The following MASTL variants were observed in gnomAD, a reference collection of about 807,000 sequenced individuals.
MASTL encodes serine/threonine-protein kinase greatwall.
A neutral mutation model predicts 82.5 loss-of-function variants in MASTL; 54 were observed. The observed-to-expected ratio is 0.65, with a 90% confidence interval of 0.53 to 0.82. The LOEUF (loss-of-function observed/expected upper bound fraction) is 0.82, where lower values mean the gene tolerates loss of function less well. MASTL is among the 40% of genes least tolerant of loss of function. The pLI, the probability that MASTL is intolerant of heterozygous loss-of-function variation, is 0.00. For missense variants in MASTL, 950 were observed against 1,047.8 expected (o/e 0.91, Z 1.29); for synonymous variants, 323 against 368.9 (o/e 0.88, Z 1.43).
chr10:27,169,500 G>A (rs551125679), intron 7 of MASTL, among the ~76,000 whole-genome samples: 86 of 151,558 alleles, frequency 5.7e-4, no homozygotes, highest in African/African-American at 2.0e-3. Context: ...AACCCAGGAG[G>A]CAGAGGCTGC....
At chr10:27,178,673 A>T (rs79347035) in intron 9 of MASTL, among the ~76,000 whole-genome samples, 2 of 143,192 alleles carry the variant, frequency 1.4e-5, no homozygotes, top group Non-Finnish European at 1.5e-5. Flanking sequence ...GAAATCATGT[A>T]TTTTTTTTTT....
chr10:27,156,013 A>ATTTTTTTTTTTTTTT (rs3834397), intron 1 of MASTL, among the ~76,000 whole-genome samples: 1 of 151,066 alleles, frequency 6.6e-6, no homozygotes. Flanking sequence ...TTTCTTTTTT[A>ATTTTTTTTTTTTTTT]TTTTTTTTTG....
In MASTL at chr10:27,170,503, A is replaced by G. The variant is rs767120107; in HGVS notation, c.1544A>G (p.Asp515Gly). ...NKENIVNSFT[D>G]KQQTPEKLPI... is the part of the protein sequence containing the mutation. Reference sequence around the variant, plus strand: ...GAGAACATTGTCAATTCTTTTACTGATAAACAACAAACACCAGAAAAATTA... The same window carrying G: ...GAGAACATTGTCAATTCTTTTACTGGTAAACAACAAACACCAGAAAAATTA... The change falls in exon 8 of 12, where the codon GAT becomes GGT. Residue 515 changes from aspartate to glycine, a missense_variant. By Grantham distance (94) the Asp-to-Gly change is moderately conservative. Transcript: ENST00000375940. 2.7e-5 allele frequency: 44 copies of G among 1,613,944 alleles called. No individual in the cohort carries two copies. The East Asian group carries it at 9.6e-4, about 35-fold the overall frequency.
rs1485009401 is a variant in MASTL at position 27,186,400 on chromosome 10, T to C, written c.2504T>C (p.Phe835Ser). ...TAAGAGCTAAAACGTCATCCTCTCT[T>C]CAGTGATGTGGACTGGGAAAATCTG... is the stretch of plus-strand genomic sequence containing the variant. ...GMKELKRHPLFSDVDWENLQH... is the reference protein window; with the variant it reads ...GMKELKRHPLSSDVDWENLQH... The change falls in exon 12 of 12, where the codon TTC becomes TCC. Residue 835 changes from phenylalanine to serine, a missense_variant. Transcript: ENST00000375940. The C allele has an allele frequency of 3.1e-6, 5 of 1,614,062 alleles. No homozygotes were observed. Among genetic ancestry groups the C allele is most frequent in the Non-Finnish European group, 4.2e-6 (5 of 1,180,028 alleles).
In MASTL at chr10:27,156,676, T is replaced by G. The variant is rs572130009; in HGVS notation, c.186+1064T>G. 3.4e-4 allele frequency among the ~76,000 whole-genome samples: 49 copies of G among 146,118 alleles called. No homozygotes were observed. The East Asian group carries it at 3.6e-3, about 11-fold the overall frequency. On this transcript the variant is annotated intron_variant, in intron 1 of 11. Coordinates refer to ENST00000375940, the MANE Select transcript of MASTL (RefSeq NM_001172303.3). The stretch of plus-strand genomic sequence containing the variant: ...CACCATGCCTGGCTGATTTGTGTAG[T>G]TTTTTTTTTAGCCGAGATTGAATTT...
chr10:27,179,453 A>G (rs539950162), intron 9 of MASTL, among the ~76,000 whole-genome samples: 3 of 152,290 alleles, frequency 2.0e-5, no homozygotes, highest in African/African-American at 7.2e-5. Context: ...GCTACTTGGG[A>G]GGCTGAGGCA....
chr10:27,185,009 G>A (rs532753591), intron 11 of MASTL, among the ~76,000 whole-genome samples: 1 of 152,308 alleles, frequency 6.6e-6, no homozygotes, highest in East Asian at 1.9e-4. Flanking sequence ...TAAGCTAGAA[G>A]TCAATATGTT....
chr10:27,156,856 A>T, intron 1 of MASTL, among the ~76,000 whole-genome samples: 1 of 110,910 alleles, frequency 9.0e-6, no homozygotes, highest in Non-Finnish European at 1.8e-5. Flanking sequence ...TTTGAGATAG[A>T]GTTTCACAGT....
At chr10:27,154,572 G>A (rs2057293179), upstream of MASTL, 1 of 296,658 alleles carries the variant, frequency 3.4e-6, no homozygotes, top group African/African-American at 2.3e-5. Context: ...CTTTTTCTTC[G>A]TTTTTTTTTT....
At chr10:27,164,385 C>T (rs2057673143) in intron 4 of MASTL, among the ~76,000 whole-genome samples, 1 of 152,230 alleles carries the variant, frequency 6.6e-6, no homozygotes, top group South Asian at 2.1e-4. Flanking sequence ...GGGATCCTCT[C>T]CATTTGGCTT....
At chr10:27,158,204 T>TGA (rs2057457153) in intron 1 of MASTL, among the ~76,000 whole-genome samples, 1 of 152,210 alleles carries the variant, frequency 6.6e-6, no homozygotes, top group Admixed American at 6.5e-5. Context: ...ATGGCAACTT[T>TGA]GAAACCTGAG....
At chr10:27,176,979 G>A (rs932569005) in intron 9 of MASTL, among the ~76,000 whole-genome samples, 1 of 151,828 alleles carries the variant, frequency 6.6e-6, no homozygotes, top group African/African-American at 2.4e-5. Context: ...CAATTAGCTG[G>A]GTTTACAGGC....
At position 27,186,652 on chromosome 10, in the gene MASTL, T is replaced by C; in HGVS notation, c.*116T>C. 1 of 989,020 alleles carries C rather than the reference T, an allele frequency of 1.0e-6. No homozygotes were observed. The highest frequency in any genetic ancestry group is 1.6e-6 in the Non-Finnish European group (1 of 620,118). 61.3% of individuals were successfully genotyped at this position (989,020 alleles called of 1,614,324 possible). A position where few individuals can be genotyped will look rare whatever the true frequency, so the allele number is the denominator to read the frequency against. On this transcript the variant is annotated 3_prime_UTR_variant, in exon 12 of 12. Transcript: ENST00000375940. ...AAGATCATTATTTAACCTAGTTCAA[T>C]GTGCTTTTAATGTACGTTACAGCTT...
At position 27,181,518 on chromosome 10, in the gene MASTL, A is replaced by G; in HGVS notation, c.2419A>G (p.Asn807Asp). The stretch of plus-strand genomic sequence containing the variant: ...AGAAGGTGAAGAAAAGTTATCTGAT[A>G]ATGCTCAAAGTGCAGTAGAAATACT... ...WPEGEEKLSDNAQSAVEILLT... is the reference protein window; with the variant it reads ...WPEGEEKLSDDAQSAVEILLT... The change falls in exon 11 of 12, where the codon AAT becomes GAT. Residue 807 changes from asparagine to aspartate, a missense_variant. Asn to Asp is a conservative substitution (Grantham distance 23). Transcript: ENST00000375940. The G allele has an allele frequency of 1.2e-6, 2 of 1,613,310 alleles. No individual in the cohort carries two copies. The highest frequency in any genetic ancestry group is 1.7e-6 in the Non-Finnish European group (2 of 1,179,312).
In MASTL at chr10:27,165,149, G is replaced by A. The variant is rs777129080; in HGVS notation, c.639G>A (p.Ser213=). The A allele has an allele frequency of 8.7e-6, 14 of 1,612,474 alleles. No individual in the cohort carries two copies. The East Asian group carries it at 2.0e-4, about 23-fold the overall frequency. The change falls in exon 5 of 12, where the codon TCG becomes TCA. Residue 213 remains serine, a synonymous_variant. Coordinates refer to ENST00000375940, the MANE Select transcript of MASTL (RefSeq NM_001172303.3). ...DYSRTPGQVL[S]LISSLGFNTP... ...CAAGAACCCCAGGACAAGTGTTATC[G>A]CTTATCAGCTCGTTGGGATTTGTAA...
chr10:27,185,147 G>A (rs760254004), intron 11 of MASTL, among the ~76,000 whole-genome samples: 34 of 152,188 alleles, frequency 2.2e-4, no homozygotes, highest in Non-Finnish European at 3.4e-4. Flanking sequence ...AAGAAAGGGA[G>A]AAGGGGGTGA....
chr10:27,155,677 C>T, intron 1 of MASTL, 65 bp downstream of exon 1: 9 of 1,574,482 alleles, frequency 5.7e-6, no homozygotes, highest in Non-Finnish European at 7.8e-6. Flanking sequence ...GCCCCACCGG[C>T]TTGGGCAGGC....
chr10:27,186,021 G>A (rs1052814035), intron 11 of MASTL, among the ~76,000 whole-genome samples: 10 of 152,252 alleles, frequency 6.6e-5, no homozygotes, highest in African/African-American at 2.2e-4. Context: ...CCCGGGAGGC[G>A]GCGGTTGCAG....
At position 27,186,681 on chromosome 10, in the gene MASTL, C is replaced by A; in HGVS notation, c.*145C>A. Reference sequence around the variant, plus strand: ...CTTTTAATGTACGTTACAGCTTTCACAGAGTTAAAAGGCTGAAAGGAATAT... The same window carrying A: ...CTTTTAATGTACGTTACAGCTTTCAAAGAGTTAAAAGGCTGAAAGGAATAT... On this transcript the variant is annotated 3_prime_UTR_variant, in exon 12 of 12. Coordinates refer to ENST00000375940, the MANE Select transcript of MASTL (RefSeq NM_001172303.3). The A allele has an allele frequency of 1.3e-6, 1 of 784,302 alleles. No homozygotes were observed. The highest frequency in any genetic ancestry group is 2.2e-6 in the Non-Finnish European group (1 of 456,796). The allele number at this position is 784,302 out of a possible 1,614,324, so 48.6% of individuals were successfully genotyped here.
Sources: gnomAD v4.1 joint callset for allele counts (sites outside exome capture counted in the v4.1 genomes callset) on GRCh38, gnomAD v4.1.1 for gene constraint, MANE v1.5 for transcripts, NCBI Gene and HGNC (gene_info 2026-07-23, HGNC 2026-07-21) for gene names.